CA12: variants seen among roughly 807,000 people sequenced by gnomAD.
CA12 encodes the protein carbonic anhydrase 12, also known as carbonate dehydratase XII.
In CA12, 36 loss-of-function variants were observed where a neutral mutation model predicts 46.8. The observed-to-expected ratio is 0.77, with a 90% CI of 0.59 to 1.02. The LOEUF is 1.02. Among genes scored for constraint, CA12 ranks in the 50% least tolerant of loss-of-function variants. The pLI is 0.00. For missense variants in CA12, 436 were observed against 451.4 expected (o/e 0.97, Z 0.31); for synonymous variants, 202 against 187.0 (o/e 1.08, Z -0.65).
chr15:63,332,058 C>T (rs1474171543), intron 8 of CA12, among the ~76,000 whole-genome samples: 3 of 152,296 alleles, frequency 2.0e-5, no homozygotes, highest in African/African-American at 7.2e-5. Context: ...TAGCCGTCTC[C>T]AGCCTTGTAA....
chr15:63,324,843 G>T lies in CA12; in HGVS notation c.*1442C>A, dbSNP rs1377706638. Reference sequence around the variant, plus strand: ...TCAGAGGGAGGAGTAGAAGGAAAAAGATATTTAAAAAGCTATGCTTCAAGA... The same window carrying T: ...TCAGAGGGAGGAGTAGAAGGAAAAATATATTTAAAAAGCTATGCTTCAAGA... On this transcript the variant is annotated 3_prime_UTR_variant, in exon 11 of 11. Coordinates refer to ENST00000178638, the MANE Select transcript of CA12 (RefSeq NM_001218.5). The T allele has an allele frequency of 1.3e-5, 2 of 152,022 alleles. No homozygotes were observed. The highest frequency in any genetic ancestry group is 2.4e-5 in the African/African-American group (1 of 41,386). 9.4% of individuals were successfully genotyped at this position (152,022 alleles called of 1,614,324 possible).
chr15:63,342,379 T>G (rs187777707), intron 4 of CA12, among the ~76,000 whole-genome samples: 4 of 152,326 alleles, frequency 2.6e-5, no homozygotes, highest in Admixed American at 2.6e-4. Context: ...AAAACTCAAA[T>G]TGGAGGCTTC....
At chr15:63,336,627 T>G (rs1332966854) in intron 8 of CA12, among the ~76,000 whole-genome samples, 1 of 142,992 alleles carries the variant, frequency 7.0e-6, no homozygotes, top group African/African-American at 2.6e-5. Flanking sequence ...CTTGGCTCAC[T>G]GCAACCTCCA....
chr15:63,338,937 A>C lies in CA12; in HGVS notation c.756T>G (p.Ala252=), dbSNP rs771222228. 24 of 1,614,038 alleles carry C rather than the reference A, an allele frequency of 1.5e-5. No homozygotes were observed. In the African/African-American group the frequency reaches 3.1e-4, roughly 21 times the overall value. Residue 252 remains alanine (A), a synonymous_variant, in exon 8 of 11, where the codon GCT becomes GCG. Transcript: ENST00000178638. ...PVQISQEQLL[A]LETALYCTHM... The stretch of plus-strand genomic sequence containing the variant: ...GTGTGCAGTACAGGGCTGTCTCCAA[A>C]GCCAGCAGCTGAGGGCAAGAGCAGA...
intron 1 of CA12, among the ~76,000 whole-genome samples, chr15:63,376,561 T>TCTTC: frequency 2.9e-5 from 3 of 102,678 alleles, no homozygotes; most frequent in Non-Finnish European, 4.0e-5. Flanking sequence ...TTCTTTCCTT[T>TCTTC]CTTTCTTTCT....
chr15:63,330,149 T>C lies in CA12; in HGVS notation c.875-2019A>G, dbSNP rs1246662899. 2.0e-5 allele frequency among the ~76,000 whole-genome samples: 3 copies of C among 152,236 alleles called. No individual in the cohort carries two copies. The highest frequency in any genetic ancestry group is 4.4e-5 in the Non-Finnish European group (3 of 68,030). ...GGCCAGACTCCCTGCCCCAGGCCTC[T>C]TCGTGTAACCTGAACACAAGGACCA... On this transcript the variant is annotated intron_variant, in intron 8 of 10. Coordinates refer to ENST00000178638, the MANE Select transcript of CA12 (RefSeq NM_001218.5). The surrounding 1 kb of genome is among the most constrained non-coding windows in gnomAD (Gnocchi z 4.0).
At chr15:63,364,342 A>AAAAC (rs2039410280) in intron 2 of CA12, among the ~76,000 whole-genome samples, 1 of 149,168 alleles carries the variant, frequency 6.7e-6, no homozygotes, top group African/African-American at 2.4e-5. Context: ...GAAAAAAAAA[A>AAAAC]AAAAAAAAAA....
At chr15:63,381,609 T>C in intron 1 of CA12, 27 bp downstream of exon 1, 1 of 1,596,040 alleles carries the variant, frequency 6.3e-7, no homozygotes, top group South Asian at 1.1e-5. Flanking sequence ...TCAGGAGTGT[T>C]AGGAAAGAAG....
Position 63,327,150 on chromosome 15 carries a change from T to C in CA12, c.991A>G (p.Ser331Gly), listed in dbSNP as rs375422554. 2.9e-5 allele frequency: 46 copies of C among 1,613,818 alleles called. No individual in the cohort carries two copies. Among genetic ancestry groups the C allele is most frequent in the Non-Finnish European group, 3.9e-5 (46 of 1,179,774 alleles). ...CATTTTGGACCCAAACCAGCTCACC[T>C]CTTCCTTCTGAAAAGCCAAATGGAC... is the stretch of plus-strand genomic sequence containing the variant. ...VVSIWLFRRK[S>G]IKKGDNKGVI... Residue 331 changes from serine (S) to glycine (G), a missense_variant and splice_region_variant, in exon 10 of 11, where the codon AGT becomes GGT. Physicochemically the swap from Ser to Gly is moderately conservative, Grantham distance 56 (BLOSUM62 0). Transcript: ENST00000178638. This position sits in a 1 kb window ranked among gnomAD's most constrained non-coding sequence, Gnocchi z 4.5.
chr15:63,340,168 G>C lies in CA12; in HGVS notation c.747+120C>G, dbSNP rs1455594331. On this transcript the variant is annotated intron_variant, in intron 7 of 10. Transcript: ENST00000178638. The surrounding 1 kb of genome is among the most constrained non-coding windows in gnomAD (Gnocchi z 4.4). ...CTTTCAGACACCTGTGATATTTGGA[G>C]AGGTTTTGAAGAGCTGCCAATGAAA... 1.3e-5 allele frequency: 15 copies of C among 1,159,196 alleles called. No homozygotes were observed. In the East Asian group the frequency reaches 3.7e-4, roughly 29 times the overall value. 71.8% of individuals were successfully genotyped at this position (1,159,196 alleles called of 1,614,324 possible).
At chr15:63,332,803 A>T (rs1313031693) in intron 8 of CA12, among the ~76,000 whole-genome samples, 1 of 152,206 alleles carries the variant, frequency 6.6e-6, no homozygotes, top group Non-Finnish European at 1.5e-5. Context: ...GACACTGAGG[A>T]GGGGAGGGAA....
intron 1 of CA12, 132 bp from the exon 2 acceptor site, chr15:63,375,810 T>TA: frequency 5.8e-6 from 4 of 692,222 alleles, no homozygotes; most frequent in East Asian, 2.8e-5. Flanking sequence ...TTTTTCTTTT[T>TA]CTTTTTTTTT....
At chr15:63,375,577 C>T in intron 2 of CA12, 81 bp downstream of exon 2, 1 of 912,984 alleles carries the variant, frequency 1.1e-6, no homozygotes. Context: ...CTCCACAGAG[C>T]ATGAAGTTTC....
intron 8 of CA12, among the ~76,000 whole-genome samples, chr15:63,336,414 T>C (rs1425049170): frequency 1.3e-5 from 2 of 152,212 alleles, no homozygotes; most frequent in African/African-American, 4.8e-5. Flanking sequence ...CGGTTTCTTC[T>C]GATCCTCTGT....
Position 63,338,947 on chromosome 15 carries a change from TGA to T in CA12, c.748-4_748-3del. ...CAGGGCTGTCTCCAAAGCCAGCAGC[TGA>T]GGGCAAGAGCAGAAATAGCCCGCAG... On this transcript the variant is annotated splice_region_variant and splice_polypyrimidine_tract_variant and intron_variant, in intron 7 of 10. Coordinates refer to ENST00000178638, the MANE Select transcript of CA12 (RefSeq NM_001218.5). The T allele has an allele frequency of 6.2e-7, 1 of 1,614,160 alleles. No homozygotes were observed. The highest frequency in any genetic ancestry group is 1.1e-5 in the South Asian group (1 of 91,072).
At position 63,372,048 on chromosome 15, in the gene CA12, C is replaced by T. The variant is rs1043496124; in HGVS notation, c.106+3610G>A. On this transcript the variant is annotated intron_variant, in intron 2 of 10. Transcript: ENST00000178638. This position sits in a 1 kb window ranked among gnomAD's most constrained non-coding sequence, Gnocchi z 4.5. Reference sequence around the variant, plus strand: ...AATGCTCAAAAACTGACTGCAGCACCCACACCAAGGACCTGAACGTGCCCA... The same window carrying T: ...AATGCTCAAAAACTGACTGCAGCACTCACACCAAGGACCTGAACGTGCCCA... Among the ~76,000 whole-genome samples, 2 of 152,104 alleles carry T rather than the reference C, an allele frequency of 1.3e-5. No individual in the cohort carries two copies. The highest frequency in any genetic ancestry group is 3.9e-4 in the East Asian group (2 of 5,188).
In CA12 at chr15:63,325,824, G is replaced by A. The variant is rs187562765; in HGVS notation, c.*461C>T. The A allele has an allele frequency of 1.2e-4, 26 of 211,626 alleles. No homozygotes were observed. The South Asian group carries it at 1.3e-3, about 10-fold the overall frequency. 13.1% of individuals were successfully genotyped at this position (211,626 alleles called of 1,614,324 possible). ...GAAGGAAATCAGAGGGAGATGCCCC[G>A]TCTCCAGAGGAAAGAAGTTGAGTTT... is the stretch of plus-strand genomic sequence containing the variant. On this transcript the variant is annotated 3_prime_UTR_variant, in exon 11 of 11. Transcript: ENST00000178638. This position sits in a 1 kb window ranked among gnomAD's most constrained non-coding sequence, Gnocchi z 4.9.
chr15:63,371,743 A>G (rs1390122862), intron 2 of CA12, among the ~76,000 whole-genome samples: 1 of 152,200 alleles, frequency 6.6e-6, no homozygotes, highest in African/African-American at 2.4e-5. Context: ...GGGATGAAAC[A>G]CCACGCCCAT....
At chr15:63,356,555 G>A (rs111980820) in intron 2 of CA12, among the ~76,000 whole-genome samples, 155 of 141,488 alleles carry the variant, frequency 1.1e-3, no homozygotes, top group African/African-American at 4.0e-3. Flanking sequence ...AGAGTCTCTC[G>A]CTCTGTTGCC....
Sources: gnomAD v4.1 joint callset for allele counts (sites outside exome capture counted in the v4.1 genomes callset) on GRCh38, gnomAD v4.1.1 for gene constraint, Gnocchi (gnomAD v3.1) non-coding constraint, MANE v1.5 for transcripts, NCBI Gene and HGNC (gene_info 2026-07-23, HGNC 2026-07-21) for gene names.